The following RFTN1 variants were observed in gnomAD, a reference collection of about 807,000 sequenced individuals.
The protein encoded by RFTN1 is raftlin, lipid raft linker 1, also known as raftlin.
RFTN1 carries 26 observed loss-of-function variants against 46.5 expected under a neutral mutation model. That is an observed-to-expected ratio of 0.56 (90% confidence interval 0.41 to 0.78). The LOEUF is 0.78. Ranked by LOEUF, RFTN1 falls within the 30% of genes least tolerant of loss-of-function variation. RFTN1 has a pLI of 0.00. For synonymous variants in RFTN1, 261 were observed against 284.2 expected (o/e 0.92, Z 0.82); for missense variants, 693 against 718.7 (o/e 0.96, Z 0.41).
intron 2 of RFTN1, among the ~76,000 whole-genome samples, chr3:16,487,967 T>C (rs2076477154): frequency 6.6e-6 from 1 of 152,228 alleles, no homozygotes; most frequent in African/African-American, 2.4e-5. Context: ...GCAGCTTATG[T>C]GCTTCACTGT....
In RFTN1 at chr3:16,381,257, A is replaced by AT. The variant is rs922978261; in HGVS notation, c.442-3156dup. Among the ~76,000 whole-genome samples the AT allele has an allele frequency of 2.0e-5, 3 of 152,150 alleles. No individual in the cohort carries two copies. The highest frequency in any genetic ancestry group is 1.9e-4 in the East Asian group (1 of 5,204). On this transcript the variant is annotated intron_variant, in intron 4 of 9. Transcript: ENST00000334133. The surrounding 1 kb of genome is among the most constrained non-coding windows in gnomAD (Gnocchi z 4.2). ...TATTTGGGGAGTGGGGCTATAAGTG[A>AT]TTTTTTTCTATTACTGTGTAATTTT...
rs2071096349 is a variant in RFTN1 at position 16,338,757 on chromosome 3, C to A, written c.1147-11881G>T. ...TTTAGCCCTTCTTTCTGATTTTTCA[C>A]CTTATGTATTACCTAGAAAAGAGAA... is the stretch of plus-strand genomic sequence containing the variant. On this transcript the variant is annotated intron_variant, in intron 7 of 9. Transcript: ENST00000334133. This position sits in a 1 kb window ranked among gnomAD's most constrained non-coding sequence, Gnocchi z 5.3. Among the ~76,000 whole-genome samples, 1 of 152,088 alleles carries A rather than the reference C, an allele frequency of 6.6e-6. No homozygotes were observed. Among genetic ancestry groups the A allele is most frequent in the Non-Finnish European group, 1.5e-5 (1 of 68,006 alleles).
chr3:16,397,929 C>T (rs974226141), intron 4 of RFTN1, among the ~76,000 whole-genome samples: 2 of 152,094 alleles, frequency 1.3e-5, no homozygotes, highest in Non-Finnish European at 2.9e-5. Context: ...CACCCGGGAC[C>T]TCTTCAGAGC....
chr3:16,358,192 A>C (rs2072583144), intron 6 of RFTN1, 145 bp from the exon 7 acceptor site: 1 of 624,192 alleles, frequency 1.6e-6, no homozygotes, highest in East Asian at 2.7e-5. Flanking sequence ...GAAGGCACAC[A>C]CAAGCCATAG....
At chr3:16,393,331 T>G (rs1010456015) in intron 4 of RFTN1, among the ~76,000 whole-genome samples, 4 of 152,124 alleles carry the variant, frequency 2.6e-5, no homozygotes, top group Non-Finnish European at 4.4e-5. Flanking sequence ...ACCATAGACA[T>G]TATGTTCACT....
intron 3 of RFTN1, among the ~76,000 whole-genome samples, chr3:16,414,824 C>T (rs2075044358): frequency 2.0e-5 from 3 of 152,052 alleles, no homozygotes; most frequent in Non-Finnish European, 2.9e-5. Context: ...ATGCAAAGGC[C>T]CTAAGCTGAG....
At position 16,327,512 on chromosome 3, in the gene RFTN1, C is replaced by T. The variant is rs1422870427; in HGVS notation, c.1147-636G>A. On this transcript the variant is annotated intron_variant, in intron 7 of 9. Coordinates refer to ENST00000334133, the MANE Select transcript of RFTN1 (RefSeq NM_015150.2). The surrounding 1 kb of genome is among the most constrained non-coding windows in gnomAD (Gnocchi z 4.2). ...CTGTGGCTCACGTCTGTAATCCCAG[C>T]ACTTTGGGAGGCTGAGGCAGGTGGA... 6.6e-6 allele frequency among the ~76,000 whole-genome samples: 1 copy of T among 152,062 alleles called. No individual in the cohort carries two copies. The highest frequency in any genetic ancestry group is 6.6e-5 in the Admixed American group (1 of 15,262).
rs1225173595 is a variant in RFTN1, at chr3:16,465,381, G to A, written c.145+28344C>T. On this transcript the variant is annotated intron_variant, in intron 2 of 9. Transcript: ENST00000334133. The surrounding 1 kb of genome is among the most constrained non-coding windows in gnomAD (Gnocchi z 5.1). Reference sequence around the variant, plus strand: ...CATCAAGGCAATTCTCTGAGCACAGGAAAAAAATATCCCCAACAGAGGTTG... The same window carrying A: ...CATCAAGGCAATTCTCTGAGCACAGAAAAAAAATATCCCCAACAGAGGTTG... Among the ~76,000 whole-genome samples, 1 of 147,016 alleles carries A rather than the reference G, an allele frequency of 6.8e-6. No homozygotes were observed. The highest frequency in any genetic ancestry group is 1.5e-5 in the Non-Finnish European group (1 of 66,908).
chr3:16,386,180 T>C (rs972513808), intron 4 of RFTN1, among the ~76,000 whole-genome samples: 3 of 146,350 alleles, frequency 2.0e-5, no homozygotes, highest in African/African-American at 7.9e-5. Context: ...GTAAAATCTG[T>C]GCATACAGAA....
At chr3:16,340,284 C>T (rs1314933609) in intron 7 of RFTN1, among the ~76,000 whole-genome samples, 2 of 152,220 alleles carry the variant, frequency 1.3e-5, no homozygotes, top group African/African-American at 4.8e-5. Context: ...AATAAGCTAG[C>T]ACATTGGGGC....
chr3:16,435,176 A>G (rs1363144235), intron 2 of RFTN1, among the ~76,000 whole-genome samples: 1 of 152,240 alleles, frequency 6.6e-6, no homozygotes. Context: ...AAGAATTCAT[A>G]CAAAAGTGAA....
rs180761629 is a variant in RFTN1 at position 16,327,798 on chromosome 3, T to C, written c.1147-922A>G. ...CAAAACGAAAAAAACTTCAGCCCCC[T>C]GCTAGCACAGGGAGAGAGCCCTGAT... On this transcript the variant is annotated intron_variant, in intron 7 of 9. Transcript: ENST00000334133. This position sits in a 1 kb window ranked among gnomAD's most constrained non-coding sequence, Gnocchi z 4.2. Among the ~76,000 whole-genome samples the C allele has an allele frequency of 6.0e-5, 9 of 150,224 alleles. No individual in the cohort carries two copies. The highest frequency in any genetic ancestry group is 2.0e-4 in the African/African-American group (8 of 41,014).
chr3:16,355,702 C>T (rs545361951), intron 7 of RFTN1, among the ~76,000 whole-genome samples: 5 of 152,356 alleles, frequency 3.3e-5, no homozygotes, highest in East Asian at 1.9e-4. Context: ...CCTGCTAAAA[C>T]GCAGACTGCC....
chr3:16,443,464 A>G lies in RFTN1; in HGVS notation c.146-9427T>C, dbSNP rs2125516414. ...TATTGAGCTGAATGAGTTCTGAAAT[A>G]CTATTCTTAATACCTTAATTAAACC... On this transcript the variant is annotated intron_variant, in intron 2 of 9. Coordinates refer to ENST00000334133, the MANE Select transcript of RFTN1 (RefSeq NM_015150.2). This position sits in a 1 kb window ranked among gnomAD's most constrained non-coding sequence, Gnocchi z 5.5. Among the ~76,000 whole-genome samples, 1 of 152,282 alleles carries G rather than the reference A, an allele frequency of 6.6e-6. No individual in the cohort carries two copies. Among genetic ancestry groups the G allele is most frequent in the African/African-American group, 2.4e-5 (1 of 41,548 alleles).
rs1045327045 is a variant in RFTN1 at position 16,374,369 on chromosome 3, G to T, written c.826+3349C>A. 6.6e-6 allele frequency among the ~76,000 whole-genome samples: 1 copy of T among 152,222 alleles called. No homozygotes were observed. Among genetic ancestry groups the T allele is most frequent in the African/African-American group, 2.4e-5 (1 of 41,448 alleles). The stretch of plus-strand genomic sequence containing the variant: ...CTGTTTGTTAATGGACTGAGTAAAA[G>T]GCCAGAAAGATGGCGGCAGGTGGCA... On this transcript the variant is annotated intron_variant, in intron 5 of 9. Coordinates refer to ENST00000334133, the MANE Select transcript of RFTN1 (RefSeq NM_015150.2). This position sits in a 1 kb window ranked among gnomAD's most constrained non-coding sequence, Gnocchi z 5.4.
In RFTN1 at chr3:16,353,321, G is replaced by A. The variant is rs765682653; in HGVS notation, c.1146+4611C>T. Among the ~76,000 whole-genome samples, 3 of 152,174 alleles carry A rather than the reference G, an allele frequency of 2.0e-5. No homozygotes were observed. The highest frequency in any genetic ancestry group is 4.4e-5 in the Non-Finnish European group (3 of 68,030). On this transcript the variant is annotated intron_variant, in intron 7 of 9. Transcript: ENST00000334133. The surrounding 1 kb of genome is among the most constrained non-coding windows in gnomAD (Gnocchi z 5.4). ...GGAAAAATGCCCCCAGCCTTAGAGA[G>A]GGGCAGGCAGGAGAGGGGCTGTCTG...
chr3:16,336,191 C>A lies in RFTN1; in HGVS notation c.1147-9315G>T, dbSNP rs530910163. Among the ~76,000 whole-genome samples the A allele has an allele frequency of 6.6e-6, 1 of 152,246 alleles. No homozygotes were observed. The highest frequency in any genetic ancestry group is 1.5e-5 in the Non-Finnish European group (1 of 68,038). On this transcript the variant is annotated intron_variant, in intron 7 of 9. Coordinates refer to ENST00000334133, the MANE Select transcript of RFTN1 (RefSeq NM_015150.2). This position sits in a 1 kb window ranked among gnomAD's most constrained non-coding sequence, Gnocchi z 6.0. ...GCGGGCAGTGTTGCAGAAAACTCCACGTGGCCCTCAGGATGCTAAAGGGCA... is the reference window on the plus strand; with the variant it reads ...GCGGGCAGTGTTGCAGAAAACTCCAAGTGGCCCTCAGGATGCTAAAGGGCA...
At chr3:16,379,313 C>T (rs551870893) in intron 4 of RFTN1, among the ~76,000 whole-genome samples, 31 of 152,380 alleles carry the variant, frequency 2.0e-4, no homozygotes, top group Non-Finnish European at 3.4e-4. Context: ...CAGTTGCAAA[C>T]ATGCAGTCCA....
chr3:16,362,895 T>TCCTTCCTCC (rs1413684592), intron 6 of RFTN1, among the ~76,000 whole-genome samples: 7 of 152,130 alleles, frequency 4.6e-5, no homozygotes, highest in African/African-American at 7.2e-5. Flanking sequence ...GGGCTTCCTC[T>TCCTTCCTCC]CCTTCCTCCT....
Sources: allele counts gnomAD v4.1 joint callset (sites outside exome capture counted in the v4.1 genomes callset), GRCh38; gene constraint gnomAD v4.1.1; non-coding constraint Gnocchi (gnomAD v3.1); transcripts MANE v1.5; gene names NCBI Gene and HGNC (gene_info 2026-07-23, HGNC 2026-07-21).